The following GAN variants were observed in gnomAD, a reference collection of about 807,000 sequenced individuals.
GAN encodes the protein epididymis secretory sperm binding protein.
GAN carries 48 observed loss-of-function variants against 71.3 expected under a neutral mutation model. The observed-to-expected ratio is 0.67, with a 90% CI of 0.53 to 0.86. The LOEUF (loss-of-function observed/expected upper bound fraction) is 0.86, where lower values mean the gene tolerates loss of function less well. Ranked by LOEUF, GAN falls within the 40% of genes least tolerant of loss-of-function variation. The probability of loss-of-function intolerance (pLI) is 0.00; values close to 1 mark genes in which losing one functional copy is unlikely to be tolerated. For missense variants in GAN, 928 were observed against 770.1 expected (o/e 1.21, Z -2.43); for synonymous variants, 386 against 276.8 (o/e 1.39, Z -3.92).
chr16:81,330,457 G>A (rs4522413), intron 1 of GAN, among the ~76,000 whole-genome samples: 143,919 of 152,336 alleles, frequency 0.94, 68,031 homozygotes, highest in Middle Eastern at 0.98. Context: ...ATAAATCACA[G>A]TATAACATTG....
At chr16:81,364,855 G>C (rs774077310) in intron 7 of GAN, 119 bp from the exon 8 acceptor site, 122 of 966,792 alleles carry the variant, frequency 1.3e-4, no homozygotes, top group Non-Finnish European at 1.9e-4. Flanking sequence ...ATCGTTTTAC[G>C]GTTAGAAATC....
In GAN at chr16:81,382,263, G is replaced by C. The variant is rs1382224599; in HGVS notation, c.*4667G>C. 1 of 152,134 alleles carries C rather than the reference G, an allele frequency of 6.6e-6. No individual in the cohort carries two copies. Among genetic ancestry groups the C allele is most frequent in the African/African-American group, 2.4e-5 (1 of 41,426 alleles). 9.4% of individuals were successfully genotyped at this position (152,134 alleles called of 1,614,324 possible). A position where few individuals can be genotyped will look rare whatever the true frequency, so the allele number is the denominator to read the frequency against. On this transcript the variant is annotated 3_prime_UTR_variant, in exon 11 of 11. Transcript: ENST00000648994. The stretch of plus-strand genomic sequence containing the variant: ...TATCAGCTCACCAGTCAGCCAGTGA[G>C]GCTGGAACTTGATTTTTCTAGGCAT...
chr16:81,330,062 C>T (rs557315150), intron 1 of GAN, among the ~76,000 whole-genome samples: 7 of 152,284 alleles, frequency 4.6e-5, no homozygotes, highest in Admixed American at 2.0e-4. Flanking sequence ...CCAGACCTCT[C>T]GTTTCTACCT....
intron 1 of GAN, 62 bp from the exon 2 acceptor site, chr16:81,351,521 A>C: frequency 5.1e-6 from 4 of 781,146 alleles, no homozygotes; most frequent in Non-Finnish European, 9.4e-6. Context: ...TTTTGAGTAC[A>C]TAAATATTTA....
chr16:81,315,081 G>C lies in GAN; in HGVS notation c.-33G>C. 2.7e-6 allele frequency: 4 copies of C among 1,459,822 alleles called. No homozygotes were observed. The highest frequency in any genetic ancestry group is 3.6e-6 in the Non-Finnish European group (4 of 1,100,010). The allele number at this position is 1,459,822 out of a possible 1,614,324, so 90.4% of individuals were successfully genotyped here. A position where few individuals can be genotyped will look rare whatever the true frequency, so the allele number is the denominator to read the frequency against. On this transcript the variant is annotated 5_prime_UTR_variant, in exon 1 of 11. Transcript: ENST00000648994. ...GGGGTCCGGCCGGACGGTGTCGGGAGCCGGACCCGTCGGCAGAGGAGCGGG... is the reference window on the plus strand; with the variant it reads ...GGGGTCCGGCCGGACGGTGTCGGGACCCGGACCCGTCGGCAGAGGAGCGGG...
At position 81,377,312 on chromosome 16, in the gene GAN, T is replaced by G; in HGVS notation, c.1596T>G (p.Ile532Met). ...AVPIGASIYV[I>M]GDLDTGTNYD... ...CTATAGGAGCCAGTATTTATGTTAT[T>G]GGAGATCTTGATACAGGTAAGAGTG... The change falls in exon 10 of 11, where the codon ATT becomes ATG. Residue 532 changes from isoleucine (I) to methionine (M), a missense_variant. Transcript: ENST00000648994. The G allele has an allele frequency of 6.3e-7, 1 of 1,597,856 alleles. No homozygotes were observed. Among genetic ancestry groups the G allele is most frequent in the Non-Finnish European group, 8.6e-7 (1 of 1,165,172 alleles).
intron 9 of GAN, chr16:81,371,859 C>G (rs567030027): frequency 6.6e-6 from 1 of 152,330 alleles, no homozygotes; most frequent in Admixed American, 6.5e-5. Context: ...CCATTTCTTT[C>G]CAGAATCTAC....
In GAN at chr16:81,377,400, A is replaced by G; in HGVS notation, c.1613-15A>G. ...TGGGTACATTTTCTCACCCTTGCTTATTTCTGTGGCTTAGGTACCAATTAC... is the reference window on the plus strand; with the variant it reads ...TGGGTACATTTTCTCACCCTTGCTTGTTTCTGTGGCTTAGGTACCAATTAC... On this transcript the variant is annotated splice_polypyrimidine_tract_variant and intron_variant, in intron 10 of 10. Transcript: ENST00000648994. 1 of 1,612,840 alleles carries G rather than the reference A, an allele frequency of 6.2e-7. No individual in the cohort carries two copies. Among genetic ancestry groups the G allele is most frequent in the South Asian group, 1.1e-5 (1 of 91,052 alleles).
At chr16:81,369,681 T>G (rs1193316639) in intron 9 of GAN, among the ~76,000 whole-genome samples, 1 of 152,202 alleles carries the variant, frequency 6.6e-6, no homozygotes, top group African/African-American at 2.4e-5. Context: ...AAGCTCCACC[T>G]GCCGGGTTCA....
chr16:81,358,985 A>T (rs11866308), intron 5 of GAN, among the ~76,000 whole-genome samples: 4,797 of 152,246 alleles, frequency 0.032, 127 homozygotes, highest in East Asian at 0.083. Flanking sequence ...GGGATCTTGC[A>T]ATGTTGCCCA....
intron 9 of GAN, among the ~76,000 whole-genome samples, chr16:81,374,205 C>A (rs1336476674): frequency 6.6e-6 from 1 of 152,220 alleles, no homozygotes; most frequent in Non-Finnish European, 1.5e-5. Context: ...TTACACACTT[C>A]TCTGCATCAT....
At chr16:81,370,839 A>C (rs1332301213) in intron 9 of GAN, among the ~76,000 whole-genome samples, 2 of 152,158 alleles carry the variant, frequency 1.3e-5, no homozygotes, top group Non-Finnish European at 2.9e-5. Flanking sequence ...CCTTTTACTT[A>C]CTTTGGGTTT....
chr16:81,335,706 C>G (rs1909734449), intron 1 of GAN, among the ~76,000 whole-genome samples: 1 of 136,736 alleles, frequency 7.3e-6, no homozygotes, highest in Non-Finnish European at 1.5e-5. Flanking sequence ...AAGATCACGA[C>G]ACTGCGCTCC....
chr16:81,378,727 A>G lies in GAN; in HGVS notation c.*1131A>G, dbSNP rs1032587883. The G allele has an allele frequency of 6.5e-6, 1 of 152,680 alleles. No homozygotes were observed. The highest frequency in any genetic ancestry group is 2.4e-5 in the African/African-American group (1 of 41,472). 9.5% of individuals were successfully genotyped at this position (152,680 alleles called of 1,614,324 possible). ...ATGTTACGAGTAAAGTTTGGCTGGTAGAATAAACTACCTCAACTTAATTTC... is the reference window on the plus strand; with the variant it reads ...ATGTTACGAGTAAAGTTTGGCTGGTGGAATAAACTACCTCAACTTAATTTC... On this transcript the variant is annotated 3_prime_UTR_variant, in exon 11 of 11. Transcript: ENST00000648994.
At chr16:81,368,043 T>A (rs1445822103) in intron 9 of GAN, among the ~76,000 whole-genome samples, 1 of 152,210 alleles carries the variant, frequency 6.6e-6, no homozygotes, top group Non-Finnish European at 1.5e-5. Context: ...TGTCGATTGT[T>A]TTTAAGTAAT....
Position 81,315,323 on chromosome 16 carries a change from G to C in GAN, c.167+43G>C, listed in dbSNP as rs886862091. On this transcript the variant is annotated intron_variant, in intron 1 of 10. Transcript: ENST00000648994. ...GCGGGCGGGCGCGGCGGTGCTGCCC[G>C]GAGCCGGAGGCGGGGCGGCCGGGCC... 1.3e-4 allele frequency: 169 copies of C among 1,349,410 alleles called. 1 individual carries two copies. Among genetic ancestry groups the C allele is most frequent in the Non-Finnish European group, 1.6e-4 (163 of 1,041,064 alleles). The allele number at this position is 1,349,410 out of a possible 1,614,324, so 83.6% of individuals were successfully genotyped here.
chr16:81,385,923 G>C lies in GAN; in HGVS notation c.*8327G>C, dbSNP rs1298416040. On this transcript the variant is annotated 3_prime_UTR_variant, in exon 11 of 11. Coordinates refer to ENST00000648994, the MANE Select transcript of GAN (RefSeq NM_022041.4). The stretch of plus-strand genomic sequence containing the variant: ...CACCAGTATGCCCAGCTAATTTTTT[G>C]TATTTTTAGAACAGGTGTGGTTTCA... 6.6e-6 allele frequency: 1 copy of C among 151,968 alleles called. No individual in the cohort carries two copies. The highest frequency in any genetic ancestry group is 6.6e-5 in the Admixed American group (1 of 15,244). The allele number at this position is 151,968 out of a possible 1,614,324, so 9.4% of individuals were successfully genotyped here.
In GAN at chr16:81,365,481, A is replaced by G. The variant is rs1910824425; in HGVS notation, c.1502+3A>G. 1.9e-6 allele frequency: 3 copies of G among 1,613,376 alleles called. No individual in the cohort carries two copies. The highest frequency in any genetic ancestry group is 2.5e-6 in the Non-Finnish European group (3 of 1,179,700). On this transcript the variant is annotated splice_donor_region_variant and intron_variant, in intron 9 of 10. Coordinates refer to ENST00000648994, the MANE Select transcript of GAN (RefSeq NM_022041.4). Reference sequence around the variant, plus strand: ...TTCTACCATGATGAGTTTAAAAGGTAACTAAGAATGGTTTCACATAGCTAC... The same window carrying G: ...TTCTACCATGATGAGTTTAAAAGGTGACTAAGAATGGTTTCACATAGCTAC...
rs970206737 is a variant in GAN at position 81,377,107 on chromosome 16, G to A, written c.1503-112G>A. On this transcript the variant is annotated intron_variant, in intron 9 of 10. Coordinates refer to ENST00000648994, the MANE Select transcript of GAN (RefSeq NM_022041.4). ...GGCAGTGGAACGTGGGGTCGAGATT[G>A]GCACAGTGCCTGATACTGCTGATGA... 31 of 790,508 alleles carry A rather than the reference G, an allele frequency of 3.9e-5. No individual in the cohort carries two copies. The Admixed American group carries it at 4.8e-4, about 12-fold the overall frequency. 49.0% of individuals were successfully genotyped at this position (790,508 alleles called of 1,614,324 possible). A position where few individuals can be genotyped will look rare whatever the true frequency, so the allele number is the denominator to read the frequency against.
Sources: gnomAD v4.1 joint callset for allele counts (sites outside exome capture counted in the v4.1 genomes callset) on GRCh38, gnomAD v4.1.1 for gene constraint, MANE v1.5 for transcripts, NCBI Gene and HGNC (gene_info 2026-07-23, HGNC 2026-07-21) for gene names.